The following ERICH6B variants were observed in gnomAD, a reference collection of about 807,000 sequenced individuals.
ERICH6B encodes the protein glutamate rich 6B.
ERICH6B carries 69 observed loss-of-function variants against 80.0 expected under a neutral mutation model. The ratio of observed to expected loss-of-function variants is 0.86; its 90% CI spans 0.71 to 1.05. ERICH6B has a LOEUF of 1.05. Among genes scored for constraint, ERICH6B ranks in the 50% least tolerant of loss-of-function variants. The pLI is 0.00. For synonymous variants in ERICH6B, 283 were observed against 291.9 expected, an observed-to-expected ratio of 0.97 and a Z score of 0.31; for missense variants, 754 against 796.1, an observed-to-expected ratio of 0.95 and a Z score of 0.64.
intron 10 of ERICH6B, 136 bp from the exon 11 acceptor site, chr13:45,561,662 G>T: frequency 1.1e-6 from 1 of 908,920 alleles, no homozygotes; most frequent in Non-Finnish European, 1.6e-6. Context: ...AGTGAGGAAG[G>T]CTGTCGGGTA....
rs771496949 is a variant in ERICH6B at position 45,596,369 on chromosome 13, C to T, written c.637G>A (p.Glu213Lys). ...KENLYKKYLK[E>K]PKASYSSQTM... Reference sequence around the variant, plus strand: ...TGCTCTCCCTCCTCCAGATACTCACCTTTCAGATACTTTTTATACAGATTT... The same window carrying T: ...TGCTCTCCCTCCTCCAGATACTCACTTTTCAGATACTTTTTATACAGATTT... Residue 213 changes from glutamate to lysine, a missense_variant and splice_region_variant, in exon 3 of 15, where the codon GAA (glutamate) becomes AAA (lysine). By Grantham distance (56) the Glu-to-Lys change is moderately conservative. Transcript: ENST00000298738. 2.6e-6 allele frequency: 4 copies of T among 1,547,716 alleles called. No homozygotes were observed. The highest frequency in any genetic ancestry group is 2.7e-5 in the African/African-American group (2 of 72,748).
At position 45,582,015 on chromosome 13, in the gene ERICH6B, G is replaced by A. The variant is rs138963153; in HGVS notation, c.857-1350C>T. Among the ~76,000 whole-genome samples the A allele has an allele frequency of 2.1e-3, 319 of 152,338 alleles. 1 individual carries two copies. Among genetic ancestry groups the A allele is most frequent in the African/African-American group, 7.0e-3 (293 of 41,576 alleles). ...TCCTATTCTAGCCCTTCAGTCTGGAGTGTAAGACTCAGGTCTTGGTTTTGT... is the reference window on the plus strand; with the variant it reads ...TCCTATTCTAGCCCTTCAGTCTGGAATGTAAGACTCAGGTCTTGGTTTTGT... On this transcript the variant is annotated intron_variant, in intron 5 of 14. Transcript: ENST00000298738.
chr13:45,599,071 TC>T (rs1949808051), intron 2 of ERICH6B, among the ~76,000 whole-genome samples: 1 of 152,210 alleles, frequency 6.6e-6, no homozygotes, highest in African/African-American at 2.4e-5. Flanking sequence ...GTTTTGTATC[TC>T]AACAGTTGCA....
In ERICH6B at chr13:45,577,326, C is replaced by G. The variant is rs1395548921; in HGVS notation, c.962-2396G>C. Among the ~76,000 whole-genome samples the G allele has an allele frequency of 3.9e-5, 5 of 127,202 alleles. No homozygotes were observed. The Admixed American group carries it at 5.1e-4, about 13-fold the overall frequency. 83.4% of individuals were successfully genotyped at this position (127,202 alleles called of 152,430 possible). A position where few individuals can be genotyped will look rare whatever the true frequency, so the allele number is the denominator to read the frequency against. On this transcript the variant is annotated intron_variant, in intron 7 of 14. Transcript: ENST00000298738. ...TTGAGACGGAGTATCGCTCTGTCAGCAGGCTGGAGTGCAGTGGCGCGATCT... is the reference window on the plus strand; with the variant it reads ...TTGAGACGGAGTATCGCTCTGTCAGGAGGCTGGAGTGCAGTGGCGCGATCT...
In ERICH6B at chr13:45,544,439, C is replaced by T. The variant is rs373236183; in HGVS notation, c.1872+321G>A. Among the ~76,000 whole-genome samples, 33 of 152,314 alleles carry T rather than the reference C, an allele frequency of 2.2e-4. 1 individual carries two copies. In the East Asian group the frequency reaches 4.8e-3, roughly 22 times the overall value. On this transcript the variant is annotated intron_variant, in intron 14 of 14. Coordinates refer to ENST00000298738, the MANE Select transcript of ERICH6B (RefSeq NM_182542.3). Reference sequence around the variant, plus strand: ...GTCTTGCTATGTTGCCCAAGCTGCTCTCAAGTTCCTAGGCTCAAGGGATCC... The same window carrying T: ...GTCTTGCTATGTTGCCCAAGCTGCTTTCAAGTTCCTAGGCTCAAGGGATCC...
chr13:45,580,030 A>C, intron 6 of ERICH6B, 56 bp from the exon 7 acceptor site: 1 of 1,334,222 alleles, frequency 7.5e-7, no homozygotes, highest in South Asian at 1.3e-5. Flanking sequence ...ACTAGTCCAG[A>C]CCTTTTAATC....
chr13:45,556,671 TTACTTCACTTAGAA>T lies in ERICH6B; in HGVS notation c.1407+4684_1407+4697del, dbSNP rs1351241949. 3.3e-5 allele frequency among the ~76,000 whole-genome samples: 5 copies of T among 152,278 alleles called. No homozygotes were observed. The South Asian group carries it at 6.2e-4, about 19-fold the overall frequency. On this transcript the variant is annotated intron_variant, in intron 11 of 14. Coordinates refer to ENST00000298738, the MANE Select transcript of ERICH6B (RefSeq NM_182542.3). The stretch of plus-strand genomic sequence containing the variant: ...TGATGCTTGGTTTTCCATTCCTGAG[TTACTTCACTTAGAA>T]TAATAGTCTCCAATCCCAACCAGGT...
intron 2 of ERICH6B, among the ~76,000 whole-genome samples, chr13:45,606,668 T>C (rs980668483): frequency 1.3e-5 from 2 of 149,460 alleles, no homozygotes; most frequent in South Asian, 2.1e-4. Context: ...ATTCTCCTGC[T>C]TCAGCCTCCC....
At chr13:45,610,861 A>G (rs4942425) in intron 1 of ERICH6B, among the ~76,000 whole-genome samples, 4 of 114,480 alleles carry the variant, frequency 3.5e-5, no homozygotes, top group Admixed American at 9.8e-5. Flanking sequence ...GTGTGTGTAT[A>G]TATATATTTA....
intron 5 of ERICH6B, among the ~76,000 whole-genome samples, chr13:45,585,178 G>A (rs112459465): frequency 0.03 from 4,591 of 152,242 alleles, 214 homozygotes; most frequent in African/African-American, 0.1. Context: ...GGTAGAGAGC[G>A]TGGCTAGGTA....
At chr13:45,545,110 G>T in intron 13 of ERICH6B, 125 bp from the exon 14 acceptor site, 2 of 803,234 alleles carry the variant, frequency 2.5e-6, no homozygotes, top group Non-Finnish European at 3.9e-6. Flanking sequence ...TTGATGGGTA[G>T]GAGAAGCTCC....
intron 2 of ERICH6B, among the ~76,000 whole-genome samples, chr13:45,605,964 T>G (rs1949857117): frequency 6.6e-6 from 1 of 152,240 alleles, no homozygotes; most frequent in Non-Finnish European, 1.5e-5. Context: ...GCCATAGCTA[T>G]GTAGTGCCAT....
In ERICH6B at chr13:45,558,350, G is replaced by T. The variant is rs534465268; in HGVS notation, c.1407+3019C>A. Among the ~76,000 whole-genome samples, 35 of 152,240 alleles carry T rather than the reference G, an allele frequency of 2.3e-4. No homozygotes were observed. The East Asian group carries it at 6.6e-3, about 29-fold the overall frequency. On this transcript the variant is annotated intron_variant, in intron 11 of 14. Coordinates refer to ENST00000298738, the MANE Select transcript of ERICH6B (RefSeq NM_182542.3). ...GGAGCTTTCTGGAGGAGTCTTTAGG[G>T]TTTTCTAGGCATACAATCGTATCAT...
chr13:45,554,131 C>T (rs1874337381), intron 11 of ERICH6B, among the ~76,000 whole-genome samples: 1 of 152,186 alleles, frequency 6.6e-6, no homozygotes, highest in Non-Finnish European at 1.5e-5. Flanking sequence ...CCAACACCTC[C>T]CCGTTTCCCT....
At chr13:45,566,953 C>G (rs1395053143) in intron 9 of ERICH6B, among the ~76,000 whole-genome samples, 3 of 152,342 alleles carry the variant, frequency 2.0e-5, no homozygotes, top group Admixed American at 2.0e-4. Context: ...CTATACCCTG[C>G]AAAGCCACAG....
intron 7 of ERICH6B, among the ~76,000 whole-genome samples, 160 bp from the exon 8 acceptor site, chr13:45,575,090 G>T (rs1875337748): frequency 6.6e-6 from 1 of 152,290 alleles, no homozygotes; most frequent in African/African-American, 2.4e-5. Context: ...TTAATCACAT[G>T]ACCTAAAACT....
chr13:45,564,741 C>T lies in ERICH6B; in HGVS notation c.1188-953G>A, dbSNP rs77577691. On this transcript the variant is annotated intron_variant, in intron 9 of 14. Transcript: ENST00000298738. ...TTGAAGCAGTTACCTAGCCTATTGGCACCTGTGAAAAAATAAGGACCAAGG... is the reference window on the plus strand; with the variant it reads ...TTGAAGCAGTTACCTAGCCTATTGGTACCTGTGAAAAAATAAGGACCAAGG... Among the ~76,000 whole-genome samples, 530 of 152,304 alleles carry T rather than the reference C, an allele frequency of 3.5e-3. 6 individuals are homozygous for T. The highest frequency in any genetic ancestry group is 0.034 in the East Asian group (177 of 5,190).
chr13:45,558,184 T>C (rs1413739724), intron 11 of ERICH6B, among the ~76,000 whole-genome samples: 1 of 152,198 alleles, frequency 6.6e-6, no homozygotes, highest in African/African-American at 2.4e-5. Flanking sequence ...TATTTTATTT[T>C]ATTTTTTGCA....
chr13:45,604,149 G>A (rs549648859), intron 2 of ERICH6B, among the ~76,000 whole-genome samples: 5 of 152,328 alleles, frequency 3.3e-5, no homozygotes, highest in South Asian at 2.1e-4. Flanking sequence ...AGTGCAGTGC[G>A]GTGTATCTGA....
Sources: gnomAD v4.1 joint callset for allele counts (sites outside exome capture counted in the v4.1 genomes callset) on GRCh38, gnomAD v4.1.1 for gene constraint, MANE v1.5 for transcripts, NCBI Gene and HGNC (gene_info 2026-07-23, HGNC 2026-07-21) for gene names.